Variants in ATP11C observed in about 807,000 individuals in gnomAD.
The protein encoded by ATP11C is phospholipid-transporting ATPase IG.
A neutral mutation model predicts 97.4 loss-of-function variants in ATP11C; 36 were observed. The observed-to-expected ratio is 0.37, with a 90% CI of 0.28 to 0.49. The LOEUF (loss-of-function observed/expected upper bound fraction) is 0.49. ATP11C is among the 20% of genes least tolerant of loss of function. The pLI is 0.98. For synonymous variants in ATP11C, 275 were observed against 290.9 expected (o/e 0.95, Z 0.56); for missense variants, 730 against 824.6 (o/e 0.89, Z 1.40).
At chrX:139,829,811 C>T (rs2083606825) in intron 1 of ATP11C, among the ~76,000 whole-genome samples, 2 of 111,259 alleles carry the variant, frequency 1.8e-5, no homozygotes, top group African/African-American at 6.5e-5. Flanking sequence ...ACCTTTTGTA[C>T]TCCTAATTTA....
chrX:139,888,077 ATC>A (rs753678414), intron 1 of ATP11C, among the ~76,000 whole-genome samples: 11 of 111,278 alleles, frequency 9.9e-5, no homozygotes, highest in African/African-American at 3.6e-4. Context: ...CAAAACACAT[ATC>A]TGATAAAGGA....
At chrX:139,797,570 C>A (rs1191779016) in intron 10 of ATP11C, among the ~76,000 whole-genome samples, 1 of 111,464 alleles carries the variant, frequency 9.0e-6, no homozygotes. Context: ...CTGAACACAC[C>A]TTATTAAGGT....
Position 139,741,265 on chromosome X carries a change from G to A in ATP11C, c.3031-171C>T, listed in dbSNP as rs1347921963. Among the ~76,000 whole-genome samples the A allele has an allele frequency of 1.3e-4, 14 of 111,984 alleles. No homozygotes were observed. The Admixed American group carries it at 1.3e-3, about 11-fold the overall frequency. On this transcript the variant is annotated intron_variant, in intron 26 of 29. Coordinates refer to ENST00000682941, the MANE Select transcript of ATP11C (RefSeq NM_001353812.2). The stretch of plus-strand genomic sequence containing the variant: ...AACCCAGGTTTTTCAAAGAACAAGG[G>A]TGAGAAAGCTGAGCTCTGCCCTAAG...
At chrX:139,770,180 A>G (rs754661600) in intron 19 of ATP11C, among the ~76,000 whole-genome samples, 11 of 112,141 alleles carry the variant, frequency 9.8e-5, no homozygotes, top group Admixed American at 2.8e-4. Context: ...ATAGAGAAAT[A>G]CAAAGAATTA....
chrX:139,866,737 A>AG (rs1402602498), intron 1 of ATP11C, among the ~76,000 whole-genome samples: 1 of 110,254 alleles, frequency 9.1e-6, no homozygotes, highest in East Asian at 2.9e-4. Context: ...ACAAAAAAAA[A>AG]GACGCCGGAA....
intron 1 of ATP11C, among the ~76,000 whole-genome samples, chrX:139,921,663 T>C (rs1488075735): frequency 1.8e-5 from 2 of 111,426 alleles, no homozygotes. Context: ...CAGTGAACTA[T>C]AAATGTGTTG....
At position 139,910,587 on chromosome X, in the gene ATP11C, C is replaced by CA. The variant is rs762303537; in HGVS notation, c.27+21428dup. ...TGCCATTGCACTCCAGCCTGGGTGA[C>CA]AGAGTGAGACTCTGTCTCAAAAAAA... On this transcript the variant is annotated intron_variant, in intron 1 of 29. Coordinates refer to ENST00000682941, the MANE Select transcript of ATP11C (RefSeq NM_001353812.2). Among the ~76,000 whole-genome samples, 960 of 104,530 alleles carry CA rather than the reference C, an allele frequency of 9.2e-3. 11 individuals carry two copies. Among genetic ancestry groups the CA allele is most frequent in the African/African-American group, 0.032 (910 of 28,227 alleles). 90.8% of individuals were successfully genotyped at this position (104,530 alleles called of 115,157 possible).
intron 24 of ATP11C, among the ~76,000 whole-genome samples, chrX:139,747,300 C>G (rs1418833423): frequency 9.0e-6 from 1 of 111,612 alleles, no homozygotes; most frequent in African/African-American, 3.3e-5. Flanking sequence ...TACAGACCAT[C>G]GATGGGAATT....
At chrX:139,886,677 C>G (rs1178431995) in intron 1 of ATP11C, among the ~76,000 whole-genome samples, 4 of 108,868 alleles carry the variant, frequency 3.7e-5, no homozygotes, top group Non-Finnish European at 7.6e-5. Flanking sequence ...AAGATTTGTA[C>G]GTTGAAAAGT....
At chrX:139,748,984 G>A (rs1226413991) in intron 24 of ATP11C, among the ~76,000 whole-genome samples, 1 of 111,497 alleles carries the variant, frequency 9.0e-6, no homozygotes, top group Non-Finnish European at 1.9e-5. Flanking sequence ...AAAAATCCTT[G>A]TCTTTAAGAG....
At chrX:139,868,904 A>C (rs996974990) in intron 1 of ATP11C, among the ~76,000 whole-genome samples, 2 of 111,862 alleles carry the variant, frequency 1.8e-5, no homozygotes, top group African/African-American at 6.5e-5. Context: ...ATGCAAATCA[A>C]AACCATAATG....
chrX:139,875,819 G>A (rs1351111229), intron 1 of ATP11C, among the ~76,000 whole-genome samples: 2 of 111,466 alleles, frequency 1.8e-5, no homozygotes, highest in Non-Finnish European at 3.8e-5. Context: ...ATAAATAAGG[G>A]AACTGAGGTA....
intron 18 of ATP11C, among the ~76,000 whole-genome samples, chrX:139,779,236 C>T (rs181397794): frequency 1.8e-5 from 2 of 111,797 alleles, no homozygotes; most frequent in East Asian, 5.7e-4. Context: ...ACCAAATGGA[C>T]CTAATAGACA....
At chrX:139,780,114 T>C (rs1188960930) in intron 18 of ATP11C, among the ~76,000 whole-genome samples, 1 of 111,627 alleles carries the variant, frequency 9.0e-6, no homozygotes, top group Non-Finnish European at 1.9e-5. Context: ...TTCTATCAGA[T>C]GTATATAAAG....
chrX:139,726,492 T>C lies in ATP11C; in HGVS notation c.*2474A>G, dbSNP rs1221671818. On this transcript the variant is annotated 3_prime_UTR_variant, in exon 30 of 30. Transcript: ENST00000682941. ...TGTAAAAAACTGCTTAAGTGAAAAA[T>C]GTAATATTGCAGTCCCATTTTGCAA... is the stretch of plus-strand genomic sequence containing the variant. 1.8e-5 allele frequency: 2 copies of C among 112,629 alleles called. No homozygotes were observed. The highest frequency in any genetic ancestry group is 1.9e-5 in the Non-Finnish European group (1 of 53,233). 9.3% of individuals were successfully genotyped at this position (112,629 alleles called of 1,213,427 possible).
At chrX:139,928,081 A>T (rs916003595) in intron 1 of ATP11C, among the ~76,000 whole-genome samples, 3 of 112,013 alleles carry the variant, frequency 2.7e-5, no homozygotes, top group African/African-American at 9.7e-5. Flanking sequence ...GCGCAGGAAA[A>T]TGTTAATTTA....
chrX:139,909,168 A>T (rs1297870886), intron 1 of ATP11C, among the ~76,000 whole-genome samples: 1 of 110,950 alleles, frequency 9.0e-6, no homozygotes, highest in Non-Finnish European at 1.9e-5. Context: ...TTTCACTCTT[A>T]TTGCCCAGGC....
chrX:139,927,439 T>C (rs2085368927), intron 1 of ATP11C, among the ~76,000 whole-genome samples: 1 of 110,472 alleles, frequency 9.1e-6, no homozygotes, highest in African/African-American at 3.3e-5. Flanking sequence ...CCGTTTCTAC[T>C]AAAAAATACA....
chrX:139,929,734 A>G (rs1170712506), intron 1 of ATP11C, among the ~76,000 whole-genome samples: 1 of 111,820 alleles, frequency 8.9e-6, no homozygotes, highest in Non-Finnish European at 1.9e-5. Flanking sequence ...CCTTGACTAC[A>G]TCTATACTGC....
Sources: gnomAD v4.1 joint callset for allele counts (sites outside exome capture counted in the v4.1 genomes callset) on GRCh38, gnomAD v4.1.1 for gene constraint, MANE v1.5 for transcripts, NCBI Gene and HGNC (gene_info 2026-07-23, HGNC 2026-07-21) for gene names.